ACTN1: variants seen among roughly 807,000 people sequenced by gnomAD.
The protein encoded by ACTN1 is alpha-actinin-1.
A neutral mutation model predicts 119.6 loss-of-function variants in ACTN1; 30 were observed. The ratio of observed to expected loss-of-function variants is 0.25; its 90% CI spans 0.19 to 0.34. The LOEUF (loss-of-function observed/expected upper bound fraction) is 0.34, where lower values mean the gene tolerates loss of function less well. Among genes scored for constraint, ACTN1 ranks in the 10% least tolerant of loss-of-function variants. The pLI, the probability that ACTN1 is intolerant of heterozygous loss-of-function variation, is 1.00. For missense variants in ACTN1, 764 were observed against 1,223.4 expected (o/e 0.62, Z 5.60); for synonymous variants, 429 against 472.6 (o/e 0.91, Z 1.20).
intron 1 of ACTN1, among the ~76,000 whole-genome samples, chr14:68,976,345 AC>A (rs2037058763): frequency 6.6e-6 from 1 of 151,678 alleles, no homozygotes; most frequent in African/African-American, 2.4e-5. Flanking sequence ...TCCCACACAA[AC>A]CCCGCCTCCC....
chr14:68,923,156 C>T (rs1594819947), intron 2 of ACTN1, among the ~76,000 whole-genome samples: 3 of 152,156 alleles, frequency 2.0e-5, no homozygotes, highest in Admixed American at 2.0e-4. Flanking sequence ...CTAATGTTCC[C>T]GGAGCACCGC....
chr14:68,925,318 C>CTT lies in ACTN1; in HGVS notation c.220+238_220+239dup, dbSNP rs36108835. Among the ~76,000 whole-genome samples, 11,738 of 120,120 alleles carry CTT rather than the reference C, an allele frequency of 0.098. 822 individuals are homozygous for CTT. Among genetic ancestry groups the CTT allele is most frequent in the East Asian group, 0.51 (1,496 of 2,926 alleles). The allele number at this position is 120,120 out of a possible 152,430, so 78.8% of individuals were successfully genotyped here. A position where few individuals can be genotyped will look rare whatever the true frequency, so the allele number is the denominator to read the frequency against. ...GAAGGAACCTCAGTTCCTTCAAACCCTTTTTTTTTTTTTTTTTTTTTTTAA... is the reference window on the plus strand; with the variant it reads ...GAAGGAACCTCAGTTCCTTCAAACCCTTTTTTTTTTTTTTTTTTTTTTTTTAA... On this transcript the variant is annotated intron_variant, in intron 2 of 21. Coordinates refer to ENST00000394419, the MANE Select transcript of ACTN1 (RefSeq NM_001130004.2). The surrounding 1 kb of genome is among the most constrained non-coding windows in gnomAD (Gnocchi z 4.3).
At chr14:68,969,954 C>T (rs1405085994) in intron 1 of ACTN1, among the ~76,000 whole-genome samples, 2 of 152,168 alleles carry the variant, frequency 1.3e-5, no homozygotes, top group Non-Finnish European at 2.9e-5. Context: ...CCTCCCCTCC[C>T]GTCATTTCAC....
chr14:68,905,709 A>C lies in ACTN1; in HGVS notation c.595-973T>G, dbSNP rs1051124135. 6.6e-5 allele frequency among the ~76,000 whole-genome samples: 10 copies of C among 152,310 alleles called. No individual in the cohort carries two copies. The South Asian group carries it at 1.7e-3, about 25-fold the overall frequency. The stretch of plus-strand genomic sequence containing the variant: ...AAATAAGCCAGACACAAAAGGACAC[A>C]GGCCGGGTGCAGTGGCTCACGTGTG... On this transcript the variant is annotated intron_variant, in intron 6 of 21. Transcript: ENST00000394419.
intron 1 of ACTN1, among the ~76,000 whole-genome samples, chr14:68,954,024 T>C (rs772999969): frequency 6.6e-6 from 1 of 152,218 alleles, no homozygotes; most frequent in Non-Finnish European, 1.5e-5. Flanking sequence ...AGCCTTAACA[T>C]AGCCATTTGT....
intron 1 of ACTN1, among the ~76,000 whole-genome samples, chr14:68,975,556 G>A (rs867259053): frequency 1.3e-5 from 2 of 152,108 alleles, no homozygotes; most frequent in Non-Finnish European, 2.9e-5. Flanking sequence ...CCTACCTCCA[G>A]CTTGACTGGG....
chr14:68,930,761 G>T (rs1370269592), intron 1 of ACTN1, among the ~76,000 whole-genome samples: 1 of 152,192 alleles, frequency 6.6e-6, no homozygotes, highest in African/African-American at 2.4e-5. Context: ...CTACCCAGAG[G>T]ATTATTGGAG....
At chr14:68,978,307 G>C (rs1006086685) in intron 1 of ACTN1, 14 of 436,122 alleles carry the variant, frequency 3.2e-5, no homozygotes, top group Admixed American at 2.7e-4. Flanking sequence ...AAAACGGTCT[G>C]CTGTCCTGAC....
chr14:68,899,424 T>C (rs2033149191), intron 8 of ACTN1, among the ~76,000 whole-genome samples: 1 of 115,876 alleles, frequency 8.6e-6, no homozygotes, highest in African/African-American at 3.5e-5. Flanking sequence ...CACACCACAT[T>C]CCCCACACCC....
intron 1 of ACTN1, among the ~76,000 whole-genome samples, chr14:68,946,698 G>A (rs1179050474): frequency 1.3e-5 from 2 of 152,094 alleles, no homozygotes; most frequent in Non-Finnish European, 2.9e-5. Context: ...GGCACACCTG[G>A]GGAAGCATCC....
intron 3 of ACTN1, among the ~76,000 whole-genome samples, chr14:68,913,067 A>T (rs915728572): frequency 2.0e-4 from 30 of 152,332 alleles, no homozygotes; most frequent in South Asian, 1.0e-3. Context: ...ATGTTTTTTT[A>T]AAAAATCAAA....
chr14:68,920,888 C>T, intron 3 of ACTN1, 118 bp downstream of exon 3: 1 of 1,370,242 alleles, frequency 7.3e-7, no homozygotes, highest in Admixed American at 2.2e-5. Flanking sequence ...GTGCTGGGGA[C>T]CCACTGCCCA....
chr14:68,881,955 T>TTTTTTTTTTTTTGA lies in ACTN1; in HGVS notation c.1953+502_1953+503insTCAAAAAAAAAAAA, dbSNP rs58500225. Among the ~76,000 whole-genome samples, 738 of 102,796 alleles carry TTTTTTTTTTTTTGA rather than the reference T, an allele frequency of 7.2e-3. 92 individuals carry two copies. Among genetic ancestry groups the TTTTTTTTTTTTTGA allele is most frequent in the African/African-American group, 9.9e-3 (226 of 22,868 alleles). The allele number at this position is 102,796 out of a possible 152,430, so 67.4% of individuals were successfully genotyped here. ...CAGCTTCTTTTTTTTTTTTTTTTTT[T>TTTTTTTTTTTTTGA]GACAGAGTCTTGCTCTGTTGCCCAA... On this transcript the variant is annotated intron_variant, in intron 16 of 21. Transcript: ENST00000394419.
At chr14:68,958,871 G>A (rs1479578369) in intron 1 of ACTN1, among the ~76,000 whole-genome samples, 1 of 152,190 alleles carries the variant, frequency 6.6e-6, no homozygotes, top group African/African-American at 2.4e-5. Flanking sequence ...TCTGTGGGCA[G>A]ATCCCAAACT....
chr14:68,960,192 G>T (rs2036481495), intron 1 of ACTN1, among the ~76,000 whole-genome samples: 1 of 152,128 alleles, frequency 6.6e-6, no homozygotes, highest in African/African-American at 2.4e-5. Context: ...TGGAGGAGGA[G>T]GAAGGGGAGG....
chr14:68,970,115 A>C (rs2036834336), intron 1 of ACTN1, among the ~76,000 whole-genome samples: 1 of 152,130 alleles, frequency 6.6e-6, no homozygotes, highest in South Asian at 2.1e-4. Flanking sequence ...AGGCCTTGTG[A>C]CCATGCTTTC....
intron 11 of ACTN1, among the ~76,000 whole-genome samples, chr14:68,889,044 T>C (rs916348241): frequency 1.3e-5 from 2 of 152,124 alleles, no homozygotes; most frequent in East Asian, 1.9e-4. Context: ...TCTTAGGGCA[T>C]TGAGCTCCGC....
At chr14:68,960,718 C>A (rs1296747620) in intron 1 of ACTN1, among the ~76,000 whole-genome samples, 1 of 150,054 alleles carries the variant, frequency 6.7e-6, no homozygotes, top group Non-Finnish European at 1.5e-5. Context: ...TGAGAGCAGT[C>A]CTGGTGACTT....
intron 8 of ACTN1, among the ~76,000 whole-genome samples, 163 bp from the exon 9 acceptor site, chr14:68,893,910 T>C (rs1229055112): frequency 6.6e-6 from 1 of 151,938 alleles, no homozygotes; most frequent in African/African-American, 2.4e-5. Flanking sequence ...CTTACCATCC[T>C]CCTTGCCAGC....
Sources: gnomAD v4.1 joint callset for allele counts (sites outside exome capture counted in the v4.1 genomes callset) on GRCh38, gnomAD v4.1.1 for gene constraint, Gnocchi (gnomAD v3.1) non-coding constraint, MANE v1.5 for transcripts, NCBI Gene and HGNC (gene_info 2026-07-23, HGNC 2026-07-21) for gene names.